TAX1BP1: variants seen among roughly 807,000 people sequenced by gnomAD.
TAX1BP1 encodes the protein tax1-binding protein 1.
Under a neutral mutation model 97.7 loss-of-function variants are expected in TAX1BP1, and 62 were observed. That is an observed-to-expected ratio of 0.63 (90% CI 0.52 to 0.78). The LOEUF is 0.78. Ranked by LOEUF, TAX1BP1 falls within the 30% of genes least tolerant of loss-of-function variation. TAX1BP1 has a pLI of 0.00. For synonymous variants in TAX1BP1, 340 were observed against 304.2 expected (o/e 1.12, Z -1.23); for missense variants, 867 against 916.1 (o/e 0.95, Z 0.69).
chr7:27,754,862 C>T (rs748082268), intron 2 of TAX1BP1, among the ~76,000 whole-genome samples: 4 of 152,242 alleles, frequency 2.6e-5, no homozygotes, highest in South Asian at 4.1e-4. Flanking sequence ...GGATTACAGG[C>T]GTAAACCACC....
intron 4 of TAX1BP1, among the ~76,000 whole-genome samples, chr7:27,769,375 A>G (rs2128312383): frequency 6.6e-6 from 1 of 152,122 alleles, no homozygotes; most frequent in Middle Eastern, 3.4e-3. Context: ...TAACGGGAAC[A>G]TTAATATGCC....
At chr7:27,802,925 TAAG>T (rs1194249932) in intron 13 of TAX1BP1, among the ~76,000 whole-genome samples, 1 of 152,176 alleles carries the variant, frequency 6.6e-6, no homozygotes, top group Non-Finnish European at 1.5e-5. Flanking sequence ...GGAATAGTTT[TAAG>T]AATAAGGCAA....
chr7:27,751,890 C>T (rs1283180721), intron 2 of TAX1BP1, among the ~76,000 whole-genome samples: 3 of 152,030 alleles, frequency 2.0e-5, no homozygotes, highest in Non-Finnish European at 4.4e-5. Flanking sequence ...TGGGCTCAAG[C>T]GATCCACCCG....
chr7:27,765,841 C>A lies in TAX1BP1; in HGVS notation c.273C>A (p.Tyr91Ter). 6.2e-7 allele frequency: 1 copy of A among 1,612,760 alleles called. No individual in the cohort carries two copies. The highest frequency in any genetic ancestry group is 8.5e-7 in the Non-Finnish European group (1 of 1,179,056). The change falls in exon 4 of 17, where the codon TAC becomes TAA. Residue 91 changes from tyrosine (Y) to a stop codon, truncating the protein, a stop_gained. Transcript: ENST00000396319. LOFTEE classifies it high-confidence loss of function. ...VNCVLAFQGY[Y>*]LPNDDGEFYQ... ...TTGTTAACTTCCTCTTAGGATATTA[C>A]CTTCCAAATGATGATGGAGAATTTT...
chr7:27,823,728 C>G (rs895980636), intron 15 of TAX1BP1, among the ~76,000 whole-genome samples: 2 of 152,146 alleles, frequency 1.3e-5, no homozygotes, highest in Non-Finnish European at 2.9e-5. Flanking sequence ...TCTGGAAACT[C>G]TTCATCTTGT....
At chr7:27,824,007 G>A (rs917283601) in intron 15 of TAX1BP1, among the ~76,000 whole-genome samples, 16 of 151,974 alleles carry the variant, frequency 1.1e-4, no homozygotes, top group South Asian at 2.1e-4. Flanking sequence ...TTGTTTATCC[G>A]TGCATATATC....
intron 8 of TAX1BP1, among the ~76,000 whole-genome samples, chr7:27,787,831 C>T (rs1156925153): frequency 6.6e-6 from 1 of 152,030 alleles, no homozygotes; most frequent in African/African-American, 2.4e-5. Context: ...ATGTGAGTTG[C>T]AAGTATTACG....
At chr7:27,758,190 ATGT>A in intron 3 of TAX1BP1, 57 bp downstream of exon 3, 2 of 1,322,508 alleles carry the variant, frequency 1.5e-6, no homozygotes, top group East Asian at 2.3e-5. Context: ...GCCATTAAAG[ATGT>A]TGTACTCCAT....
At chr7:27,819,544 G>A (rs537256062) in intron 15 of TAX1BP1, among the ~76,000 whole-genome samples, 174 of 152,278 alleles carry the variant, frequency 1.1e-3, no homozygotes, top group African/African-American at 4.1e-3. Context: ...ATCTGTGAGC[G>A]ATCTCCAGTG....
At chr7:27,805,785 G>T (rs1236102137) in intron 13 of TAX1BP1, among the ~76,000 whole-genome samples, 1 of 152,080 alleles carries the variant, frequency 6.6e-6, no homozygotes, top group Non-Finnish European at 1.5e-5. Flanking sequence ...GCAGTGAGCC[G>T]AGATTGTGCC....
chr7:27,827,831 T>G lies in TAX1BP1; in HGVS notation c.2168+11T>G. The G allele has an allele frequency of 6.2e-7, 1 of 1,612,238 alleles. No individual in the cohort carries two copies. Among genetic ancestry groups the G allele is most frequent in the South Asian group, 1.1e-5 (1 of 90,792 alleles). ...TTGCTTTGATTCCAGGTAGTTTTCTTCTTTACTTTGTAGAATTTGGGTTAT... is the reference window on the plus strand; with the variant it reads ...TTGCTTTGATTCCAGGTAGTTTTCTGCTTTACTTTGTAGAATTTGGGTTAT... On this transcript the variant is annotated intron_variant, in intron 16 of 16. Coordinates refer to ENST00000396319, the MANE Select transcript of TAX1BP1 (RefSeq NM_006024.7).
In TAX1BP1 at chr7:27,787,419, T is replaced by C. The variant is rs1317205134; in HGVS notation, c.854T>C (p.Val285Ala). The C allele has an allele frequency of 6.2e-7, 1 of 1,601,562 alleles. No homozygotes were observed. Among genetic ancestry groups the C allele is most frequent in the Admixed American group, 1.7e-5 (1 of 57,824 alleles). Residue 285 changes from valine to alanine, a missense_variant and splice_region_variant, in exon 8 of 17, where the codon GTA becomes GCA. By Grantham distance (64) the Val-to-Ala change is moderately conservative. Around this residue, in one of 3 missense-constraint regions of TAX1BP1, gnomAD observed 822 missense variants for 851.4 expected, o/e 0.97. Transcript: ENST00000396319. Reference protein sequence around the residue: ...TEKDEKELYKVHLKNTEIENT... With the variant: ...TEKDEKELYKAHLKNTEIENT... ...TGACATTTTCAAACACCATTACAGGTACATTTGAAGAATACAGAAATAGAA... is the reference window on the plus strand; with the variant it reads ...TGACATTTTCAAACACCATTACAGGCACATTTGAAGAATACAGAAATAGAA...
chr7:27,748,249 C>T (rs1787898158), intron 1 of TAX1BP1, among the ~76,000 whole-genome samples: 1 of 152,084 alleles, frequency 6.6e-6, no homozygotes, highest in Non-Finnish European at 1.5e-5. Flanking sequence ...GCTAGGCTTT[C>T]CAGGAGAGTT....
chr7:27,794,610 C>A (rs571455518), intron 11 of TAX1BP1, among the ~76,000 whole-genome samples, 164 bp downstream of exon 11: 2 of 152,236 alleles, frequency 1.3e-5, no homozygotes, highest in South Asian at 4.1e-4. Flanking sequence ...AAAATAGAGT[C>A]ATGCAAGTGG....
intron 5 of TAX1BP1, among the ~76,000 whole-genome samples, chr7:27,782,531 T>C (rs1406661516): frequency 6.6e-6 from 1 of 152,128 alleles, no homozygotes; most frequent in African/African-American, 2.4e-5. Context: ...ATTACAGATG[T>C]GAGCTGCCAC....
intron 13 of TAX1BP1, among the ~76,000 whole-genome samples, chr7:27,800,929 C>G (rs936999675): frequency 6.6e-6 from 1 of 151,764 alleles, no homozygotes; most frequent in African/African-American, 2.4e-5. Flanking sequence ...ATAGTGAAAC[C>G]CTGTCTCTAC....
chr7:27,804,397 C>G (rs968234320), intron 13 of TAX1BP1, among the ~76,000 whole-genome samples: 1 of 152,178 alleles, frequency 6.6e-6, no homozygotes, highest in Non-Finnish European at 1.5e-5. Flanking sequence ...CTTCCTTTGT[C>G]CTTGTTTATG....
At position 27,792,191 on chromosome 7, in the gene TAX1BP1, A is replaced by C. The variant is rs1377123360; in HGVS notation, c.1224A>C (p.Ala408=). 1 of 1,613,528 alleles carries C rather than the reference A, an allele frequency of 6.2e-7. No homozygotes were observed. The highest frequency in any genetic ancestry group is 1.1e-5 in the South Asian group (1 of 91,036). The change falls in exon 9 of 17, where the codon GCA becomes GCC. Residue 408 remains alanine, a synonymous_variant. Coordinates refer to ENST00000396319, the MANE Select transcript of TAX1BP1 (RefSeq NM_006024.7). ...AAGTGAAAAAGCAGTTAGCTGATGC[A>C]GTGGCAGAACTTAAACTAAATGCTA... is the stretch of plus-strand genomic sequence containing the variant. ...NEKVKKQLAD[A]VAELKLNAMK...
At chr7:27,819,180 C>T (rs73297535) in intron 15 of TAX1BP1, among the ~76,000 whole-genome samples, 6,247 of 151,900 alleles carry the variant, frequency 0.041, 403 homozygotes, top group African/African-American at 0.14. Flanking sequence ...CTTAAAGTTG[C>T]AGTTTCTAAG....
Sources: allele counts gnomAD v4.1 joint callset (sites outside exome capture counted in the v4.1 genomes callset), GRCh38; gene constraint gnomAD v4.1.1; regional missense constraint gnomAD v4.1.1; transcripts MANE v1.5; gene names NCBI Gene and HGNC (gene_info 2026-07-23, HGNC 2026-07-21).